Variants in CA6 observed in about 807,000 individuals in gnomAD.
CA6 encodes carbonic anhydrase 6.
Under a neutral mutation model 35.9 loss-of-function variants are expected in CA6, and 28 were observed. The ratio of observed to expected loss-of-function variants is 0.78; its 90% CI spans 0.58 to 1.07. The LOEUF (loss-of-function observed/expected upper bound fraction) is 1.07, where lower values mean the gene tolerates loss of function less well. Ranked by LOEUF, CA6 falls within the 50% of genes least tolerant of loss-of-function variation. CA6 has a pLI of 0.00. For synonymous variants in CA6, 148 were observed against 152.6 expected (o/e 0.97, Z 0.22); for missense variants, 377 against 382.0 (o/e 0.99, Z 0.11).
chr1:8,971,169 T>C (rs1206702411), intron 7 of CA6, among the ~76,000 whole-genome samples, 188 bp downstream of exon 7: 1 of 152,110 alleles, frequency 6.6e-6, no homozygotes. Context: ...CAGGCAGGGA[T>C]GCCAGTGAGT....
intron 2 of CA6, 37 bp downstream of exon 2, chr1:8,949,479 G>A (rs764647287): frequency 2.2e-5 from 35 of 1,572,928 alleles, no homozygotes; most frequent in Non-Finnish European, 2.8e-5. Context: ...CCAGTCCATG[G>A]GCAGCCTGCA....
intron 3 of CA6, among the ~76,000 whole-genome samples, chr1:8,958,286 C>A (rs974547066): frequency 2.0e-5 from 3 of 152,062 alleles, no homozygotes; most frequent in Admixed American, 6.6e-5. Context: ...TCCTGCCTCA[C>A]CCACCCGAGA....
At chr1:8,974,311 C>T (rs184177635) in intron 7 of CA6, 44 of 1,340,808 alleles carry the variant, frequency 3.3e-5, no homozygotes, top group Non-Finnish European at 3.8e-5. Flanking sequence ...GGACCTCTTG[C>T]GATTTATTTA....
intron 6 of CA6, 74 bp from the exon 7 acceptor site, chr1:8,970,793 G>A (rs1286881053): frequency 1.1e-5 from 11 of 963,844 alleles, no homozygotes; most frequent in African/African-American, 1.6e-5. Flanking sequence ...GAGCCACTGC[G>A]CCGGGCCAAC....
intron 4 of CA6, among the ~76,000 whole-genome samples, chr1:8,961,584 T>A (rs1639843925): frequency 6.6e-6 from 1 of 152,052 alleles, no homozygotes; most frequent in African/African-American, 2.4e-5. Context: ...GAGAAGTATT[T>A]GCTTAACACA....
In CA6 at chr1:8,964,852, C is replaced by T. The variant is rs146466399; in HGVS notation, c.571+2196C>T. Among the ~76,000 whole-genome samples the T allele has an allele frequency of 4.6e-5, 7 of 152,260 alleles. No homozygotes were observed. The East Asian group carries it at 1.4e-3, about 29-fold the overall frequency. ...GTGGTCTGGCGCGCCCCAGCTCTGCCCTCTCACTCTCTTTCTGGCTCCTGC... is the reference window on the plus strand; with the variant it reads ...GTGGTCTGGCGCGCCCCAGCTCTGCTCTCTCACTCTCTTTCTGGCTCCTGC... On this transcript the variant is annotated intron_variant, in intron 5 of 7. Transcript: ENST00000377443.
intron 2 of CA6, among the ~76,000 whole-genome samples, chr1:8,956,279 G>A (rs543913122): frequency 1.3e-5 from 2 of 151,632 alleles, no homozygotes; most frequent in Non-Finnish European, 2.9e-5. Flanking sequence ...TTCCAACGCC[G>A]AAATTATATC....
rs1450531235 is a variant in CA6 at position 8,963,879 on chromosome 1, C to G, written c.571+1223C>G. On this transcript the variant is annotated intron_variant, in intron 5 of 7. Coordinates refer to ENST00000377443, the MANE Select transcript of CA6 (RefSeq NM_001215.4). The surrounding 1 kb of genome is among the most constrained non-coding windows in gnomAD (Gnocchi z 4.1). ...TTTTATTCATAGCTACAAATATGAA[C>G]AGTGCCCAGAAATCCTAAAGTATCA... Among the ~76,000 whole-genome samples, 1 of 152,130 alleles carries G rather than the reference C, an allele frequency of 6.6e-6. No homozygotes were observed. The highest frequency in any genetic ancestry group is 1.5e-5 in the Non-Finnish European group (1 of 68,006).
At chr1:8,953,631 A>G (rs952358348) in intron 2 of CA6, among the ~76,000 whole-genome samples, 1 of 136,134 alleles carries the variant, frequency 7.3e-6, no homozygotes, top group Non-Finnish European at 1.6e-5. Flanking sequence ...CAATCAATCA[A>G]TCAATCAGTC....
At chr1:8,966,448 G>A (rs537348346) in intron 5 of CA6, among the ~76,000 whole-genome samples, 11 of 152,184 alleles carry the variant, frequency 7.2e-5, no homozygotes, top group African/African-American at 2.6e-4. Context: ...ACCATTTTCC[G>A]TGGTGGCTGC....
rs1328629680 is a variant in CA6, at chr1:8,974,780, G to A, written c.*76G>A. The A allele has an allele frequency of 1.9e-5, 15 of 792,302 alleles. No homozygotes were observed. Among genetic ancestry groups the A allele is most frequent in the African/African-American group, 5.3e-5 (3 of 56,076 alleles). 49.1% of individuals were successfully genotyped at this position (792,302 alleles called of 1,614,324 possible). A position where few individuals can be genotyped will look rare whatever the true frequency, so the allele number is the denominator to read the frequency against. On this transcript the variant is annotated 3_prime_UTR_variant, in exon 8 of 8. Coordinates refer to ENST00000377443, the MANE Select transcript of CA6 (RefSeq NM_001215.4). ...CCAGAAGTGCCTGTCCGCTGCAGCC[G>A]CACCCTACCTTGTCTAAGAAACCAT...
intron 6 of CA6, among the ~76,000 whole-genome samples, chr1:8,970,087 C>T (rs1640068232): frequency 6.6e-6 from 1 of 151,654 alleles, no homozygotes; most frequent in South Asian, 2.1e-4. Context: ...GCCTGTAGTC[C>T]CAGCTAGTCA....
At chr1:8,949,165 C>A in intron 1 of CA6, 98 bp from the exon 2 acceptor site, 3 of 938,280 alleles carry the variant, frequency 3.2e-6, no homozygotes, top group Non-Finnish European at 4.6e-6. Flanking sequence ...CGTGGGTCCC[C>A]GCCCAGCAGG....
chr1:8,973,778 T>TTC lies in CA6; in HGVS notation c.845-842_845-841dup, dbSNP rs1225288177. 3.8e-3 allele frequency among the ~76,000 whole-genome samples: 85 copies of TTC among 22,164 alleles called. 5 individuals are homozygous for TTC. The highest frequency in any genetic ancestry group is 4.8e-3 in the Admixed American group (9 of 1,890). The allele number at this position is 22,164 out of a possible 152,430, so 14.5% of individuals were successfully genotyped here. A position where few individuals can be genotyped will look rare whatever the true frequency, so the allele number is the denominator to read the frequency against. ...TTTCTTTCTTTCTTTCTTTCTTTCT[T>TTC]TCTTTCTTTTCCCTCCCTCCCTCTC... On this transcript the variant is annotated intron_variant, in intron 7 of 7. Transcript: ENST00000377443.
At position 8,951,076 on chromosome 1, in the gene CA6, C is replaced by T. The variant is rs552283728; in HGVS notation, c.259+1634C>T. Among the ~76,000 whole-genome samples, 194 of 145,900 alleles carry T rather than the reference C, an allele frequency of 1.3e-3. 2 individuals carry two copies. Among genetic ancestry groups the T allele is most frequent in the African/African-American group, 4.8e-3 (189 of 39,506 alleles). ...ACTAAAAACACAAAAATTGGTTGGG[C>T]GTGGTGGCGCATGCCTGTAATCCCA... On this transcript the variant is annotated intron_variant, in intron 2 of 7. Coordinates refer to ENST00000377443, the MANE Select transcript of CA6 (RefSeq NM_001215.4).
chr1:8,959,258 C>T (rs893653703), intron 4 of CA6, among the ~76,000 whole-genome samples: 3 of 151,596 alleles, frequency 2.0e-5, no homozygotes, highest in South Asian at 4.2e-4. Context: ...ACAAATTGTT[C>T]GAAGGGCAAG....
rs536516442 is a variant in CA6, at chr1:8,958,520, C to A, written c.409-390C>A. Among the ~76,000 whole-genome samples, 7 of 152,276 alleles carry A rather than the reference C, an allele frequency of 4.6e-5. No homozygotes were observed. In the East Asian group the frequency reaches 1.4e-3, roughly 29 times the overall value. On this transcript the variant is annotated intron_variant, in intron 3 of 7. Coordinates refer to ENST00000377443, the MANE Select transcript of CA6 (RefSeq NM_001215.4). The stretch of plus-strand genomic sequence containing the variant: ...TTGCCAGAATCCATCCATAGGATGA[C>A]TACATGTTAACAATGGTTGCCTGGG...
Position 8,973,704 on chromosome 1 carries a change from T to TCC in CA6, c.845-918_845-917insCC, listed in dbSNP as rs1553164133. Among the ~76,000 whole-genome samples, 4 of 126,816 alleles carry TCC rather than the reference T, an allele frequency of 3.2e-5. No homozygotes were observed. The East Asian group carries it at 1.1e-3, about 35-fold the overall frequency. 83.2% of individuals were successfully genotyped at this position (126,816 alleles called of 152,430 possible). Reference sequence around the variant, plus strand: ...CCTTCCCTCAGGCCTGGATTTTTCTTTCTCTCTCTTTCTTTCTTTCTTTCT... The same window carrying TCC: ...CCTTCCCTCAGGCCTGGATTTTTCTTCCTCTCTCTCTTTCTTTCTTTCTTTCT... On this transcript the variant is annotated intron_variant, in intron 7 of 7. Transcript: ENST00000377443.
At chr1:8,956,251 A>T (rs564563491) in intron 2 of CA6, among the ~76,000 whole-genome samples, 4 of 152,080 alleles carry the variant, frequency 2.6e-5, no homozygotes, top group Non-Finnish European at 5.9e-5. Flanking sequence ...GATCTTGCTC[A>T]TGAGACACAT....
Sources: allele counts gnomAD v4.1 joint callset (sites outside exome capture counted in the v4.1 genomes callset), GRCh38; gene constraint gnomAD v4.1.1; non-coding constraint Gnocchi (gnomAD v3.1); transcripts MANE v1.5; gene names NCBI Gene and HGNC (gene_info 2026-07-23, HGNC 2026-07-21).